The following TBX5 variants were observed in gnomAD, a reference collection of about 807,000 sequenced individuals.
TBX5 encodes the protein T-box transcription factor 5.
In TBX5, 8 loss-of-function variants were observed where a neutral mutation model predicts 51.1. The ratio of observed to expected loss-of-function variants is 0.16; its 90% confidence interval spans 0.09 to 0.28. TBX5 has a LOEUF of 0.28. Ranked by LOEUF, TBX5 falls within the 10% of genes least tolerant of loss-of-function variation. The probability of loss-of-function intolerance (pLI) is 1.00; values close to 1 mark genes in which losing one functional copy is unlikely to be tolerated. For synonymous variants in TBX5, 302 were observed against 266.4 expected, an observed-to-expected ratio of 1.13 and a Z score of -1.30; for missense variants, 589 against 671.7, an observed-to-expected ratio of 0.88 and a Z score of 1.36.
intron 8 of TBX5, among the ~76,000 whole-genome samples, chr12:114,359,770 G>C (rs1869132094): frequency 6.6e-6 from 1 of 152,188 alleles, no homozygotes; most frequent in Non-Finnish European, 1.5e-5. Flanking sequence ...GAATCACCAG[G>C]TCATTCCAAT....
At chr12:114,369,490 C>G (rs1384537407) in intron 7 of TBX5, among the ~76,000 whole-genome samples, 2 of 152,150 alleles carry the variant, frequency 1.3e-5, no homozygotes, top group African/African-American at 4.8e-5. Context: ...TGACAAGTGT[C>G]AAAATATGGG....
At chr12:114,389,830 C>T (rs1871063416) in intron 6 of TBX5, among the ~76,000 whole-genome samples, 1 of 149,636 alleles carries the variant, frequency 6.7e-6, no homozygotes, top group South Asian at 2.2e-4. Context: ...CCCAGCCTGC[C>T]CCACCGCAGT....
chr12:114,366,312 G>C lies in TBX5; in HGVS notation c.835C>G (p.Arg279Gly). ...SNHSPFSSESRALSTSSNLGS... is the reference protein window; with the variant it reads ...SNHSPFSSESGALSTSSNLGS... Reference sequence around the variant, plus strand: ...AAATTGGATGAGGTGGAGAGAGCTCGAGACTCGCTGCTGAAAGGACTGTGG... The same window carrying C: ...AAATTGGATGAGGTGGAGAGAGCTCCAGACTCGCTGCTGAAAGGACTGTGG... Residue 279 changes from arginine (R) to glycine (G), a missense_variant, in exon 8 of 9, where the codon CGA (arginine) becomes GGA (glycine). Around this residue, in one of 7 missense-constraint regions of TBX5, gnomAD observed 348 missense variants for 360.4 expected, o/e 0.97. Transcript: ENST00000405440. 1.2e-6 allele frequency: 2 copies of C among 1,614,068 alleles called. No individual in the cohort carries two copies. The highest frequency in any genetic ancestry group is 8.5e-7 in the Non-Finnish European group (1 of 1,180,014).
intron 8 of TBX5, among the ~76,000 whole-genome samples, chr12:114,363,217 TG>T (rs1869337536): frequency 6.6e-6 from 1 of 152,186 alleles, no homozygotes. Context: ...AACTTGCCCC[TG>T]GGCACACAGC....
intron 7 of TBX5, among the ~76,000 whole-genome samples, chr12:114,379,447 G>A (rs1870386216): frequency 6.6e-6 from 1 of 152,194 alleles, no homozygotes. Context: ...TGTCGCAGGT[G>A]AGCCACTTTG....
In TBX5 at chr12:114,399,500, C is replaced by T. The variant is rs773263145; in HGVS notation, c.362+13G>A. 1 of 1,614,006 alleles carries T rather than the reference C, an allele frequency of 6.2e-7. No individual in the cohort carries two copies. The highest frequency in any genetic ancestry group is 1.7e-5 in the Admixed American group (1 of 60,016). ...TTCTCTCTCCCCGCTCCACCTGCCA[C>T]CCCAGTGCCTACCATTTATTATCTG... is the stretch of plus-strand genomic sequence containing the variant. On this transcript the variant is annotated intron_variant, in intron 4 of 8. Transcript: ENST00000405440.
At chr12:114,396,828 G>A (rs915863070) in intron 5 of TBX5, among the ~76,000 whole-genome samples, 1 of 152,188 alleles carries the variant, frequency 6.6e-6, no homozygotes, top group African/African-American at 2.4e-5. Flanking sequence ...GCCAGGGCGG[G>A]TCAGCCAATG....
At chr12:114,401,437 A>T (rs114984525) in intron 3 of TBX5, among the ~76,000 whole-genome samples, 6,554 of 151,936 alleles carry the variant, frequency 0.043, 487 homozygotes, top group African/African-American at 0.15. Flanking sequence ...AAACCCAAAA[A>T]CCTTCTAGAC....
rs201290379 is a variant in TBX5 at position 114,403,739 on chromosome 12, G to A, written c.147+13C>T. ...ATCTCTGCAAAGGGACCCGAAGCGC[G>A]AGGTCTCCTTACCTGCTGGGTGAAG... is the stretch of plus-strand genomic sequence containing the variant. On this transcript the variant is annotated intron_variant, in intron 2 of 8. Transcript: ENST00000405440. 7.4e-6 allele frequency: 12 copies of A among 1,612,328 alleles called. No homozygotes were observed. Among genetic ancestry groups the A allele is most frequent in the Admixed American group, 1.7e-5 (1 of 59,990 alleles).
intron 6 of TBX5, among the ~76,000 whole-genome samples, chr12:114,386,986 A>G (rs1012970051): frequency 2.6e-5 from 4 of 151,990 alleles, no homozygotes; most frequent in Admixed American, 2.0e-4. Flanking sequence ...GGCTCCTATA[A>G]TCCCAGCTAC....
intron 8 of TBX5, among the ~76,000 whole-genome samples, chr12:114,363,381 G>A (rs931354051): frequency 1.3e-5 from 2 of 152,164 alleles, no homozygotes; most frequent in Non-Finnish European, 2.9e-5. Context: ...TTTGTGAACC[G>A]TGCATTCAAA....
At chr12:114,370,153 C>T (rs916791407) in intron 7 of TBX5, among the ~76,000 whole-genome samples, 3 of 151,502 alleles carry the variant, frequency 2.0e-5, no homozygotes, top group African/African-American at 7.3e-5. Context: ...ATCACTTGAA[C>T]CTGGGAGGTG....
rs56137685 is a variant in TBX5, at chr12:114,372,981, T to TACAC, written c.756-6594_756-6591dup. On this transcript the variant is annotated intron_variant, in intron 7 of 8. Transcript: ENST00000405440. Reference sequence around the variant, plus strand: ...GAAAGGCTTAGCGAATATATATACATACACACACACACACACACACACACA... The same window carrying TACAC: ...GAAAGGCTTAGCGAATATATATACATACACACACACACACACACACACACACACA... 3.0e-3 allele frequency among the ~76,000 whole-genome samples: 422 copies of TACAC among 142,946 alleles called. 1 individual carries two copies. The highest frequency in any genetic ancestry group is 6.6e-3 in the Admixed American group (94 of 14,222). The allele number at this position is 142,946 out of a possible 152,430, so 93.8% of individuals were successfully genotyped here. A position where few individuals can be genotyped will look rare whatever the true frequency, so the allele number is the denominator to read the frequency against.
intron 1 of TBX5, among the ~76,000 whole-genome samples, chr12:114,404,235 C>A (rs1872046603): frequency 1.3e-5 from 2 of 152,108 alleles, no homozygotes. Flanking sequence ...CCGTGATAAG[C>A]AAGCTGCCCG....
In TBX5 at chr12:114,390,125, T is replaced by G. The variant is rs796287816; in HGVS notation, c.664-4558A>C. Among the ~76,000 whole-genome samples, 16 of 152,342 alleles carry G rather than the reference T, an allele frequency of 1.1e-4. 1 individual carries two copies. Among genetic ancestry groups the G allele is most frequent in the African/African-American group, 3.8e-4 (16 of 41,576 alleles). On this transcript the variant is annotated intron_variant, in intron 6 of 8. Coordinates refer to ENST00000405440, the MANE Select transcript of TBX5 (RefSeq NM_181486.4). ...CACAGGATAAGCACAATTTCTTATATATTCACTTAGGTATGTTGATCTTTA... is the reference window on the plus strand; with the variant it reads ...CACAGGATAAGCACAATTTCTTATAGATTCACTTAGGTATGTTGATCTTTA...
rs1427441132 is a variant in TBX5, at chr12:114,398,582, T to C, written c.501A>G (p.Pro167=). The C allele has an allele frequency of 6.2e-7, 1 of 1,613,156 alleles. No homozygotes were observed. The change falls in exon 5 of 9, where the codon CCA becomes CCG. Residue 167 remains proline (P), a synonymous_variant. Transcript: ENST00000405440. ...KLKLTNNHLD[P]FGHIILNSMH... is the part of the protein sequence containing the mutation. ...AGGCCACGGTACTCACATGCCCAAA[T>C]GGGTCCAGGTGGTTGTTGGTGAGCT...
At position 114,368,645 on chromosome 12, in the gene TBX5, T is replaced by G. The variant is rs10850329; in HGVS notation, c.756-2254A>C. Among the ~76,000 whole-genome samples the G allele has an allele frequency of 0.018, 2,673 of 152,328 alleles. 332 individuals are homozygous for G. The East Asian group carries it at 0.35, about 20-fold the overall frequency. On this transcript the variant is annotated intron_variant, in intron 7 of 8. Coordinates refer to ENST00000405440, the MANE Select transcript of TBX5 (RefSeq NM_181486.4). ...ATTGTATCCTAATGATGTCTTTCAATTTTTAGAACACAATATGCTTTTAGG... is the reference window on the plus strand; with the variant it reads ...ATTGTATCCTAATGATGTCTTTCAAGTTTTAGAACACAATATGCTTTTAGG...
chr12:114,401,077 C>T (rs1347472084), intron 3 of TBX5, among the ~76,000 whole-genome samples: 1 of 152,104 alleles, frequency 6.6e-6, no homozygotes, highest in Non-Finnish European at 1.5e-5. Context: ...CAGGCCTGGG[C>T]GCGCGCGTGC....
chr12:114,402,955 G>A (rs377305506), intron 2 of TBX5, among the ~76,000 whole-genome samples: 51 of 152,342 alleles, frequency 3.3e-4, no homozygotes, highest in African/African-American at 1.2e-3. Flanking sequence ...CCCAAGGCAG[G>A]ATTTTAGCCA....
Sources: gnomAD v4.1 joint callset for allele counts (sites outside exome capture counted in the v4.1 genomes callset) on GRCh38, gnomAD v4.1.1 for gene constraint, gnomAD v4.1.1 regional missense constraint, MANE v1.5 for transcripts, NCBI Gene and HGNC (gene_info 2026-07-23, HGNC 2026-07-21) for gene names.